The following JOSD2 variants were observed in gnomAD, a reference collection of about 807,000 sequenced individuals.
JOSD2 encodes the protein Josephin domain containing 2.
In JOSD2, 20 loss-of-function variants were observed where a neutral mutation model predicts 19.3. The observed-to-expected ratio is 1.04, with a 90% CI of 0.73 to 1.51. The LOEUF is 1.51. Ranked by LOEUF, JOSD2 falls within the 40% of genes most tolerant of loss-of-function variation. The pLI, the probability that JOSD2 is intolerant of heterozygous loss-of-function variation, is 0.00. For synonymous variants in JOSD2, 118 were observed against 123.7 expected (o/e 0.95, Z 0.31); for missense variants, 215 against 250.4 (o/e 0.86, Z 0.95).
rs1453508557 is a variant in JOSD2 at position 50,506,381 on chromosome 19, A to C, written c.464T>G (p.Val155Gly). The change falls in exon 4 of 5, where the codon GTC becomes GGC. Residue 155 changes from valine to glycine, a missense_variant. Val to Gly is a moderately radical substitution (Grantham distance 109). Coordinates refer to ENST00000598418, the MANE Select transcript of JOSD2 (RefSeq NM_001270639.2). ...GAATCGCCTCTGTGGGGCTCACCTG[A>C]CTCCGTCCTCATCCCCCAGGGCCTC... is the stretch of plus-strand genomic sequence containing the variant. ...APEALGDEDG[V>G]RAFLAAALAQ... 1 of 1,605,646 alleles carries C rather than the reference A, an allele frequency of 6.2e-7. No individual in the cohort carries two copies. The highest frequency in any genetic ancestry group is 8.5e-7 in the Non-Finnish European group (1 of 1,176,718).
At position 50,507,598 on chromosome 19, in the gene JOSD2, G is replaced by A; in HGVS notation, c.248C>T (p.Ala83Val). 1 of 1,607,964 alleles carries A rather than the reference G, an allele frequency of 6.2e-7. No homozygotes were observed. Among genetic ancestry groups the A allele is most frequent in the Non-Finnish European group, 8.5e-7 (1 of 1,179,774 alleles). The change falls in exon 3 of 5, where the codon GCC (alanine) becomes GTC (valine). Residue 83 changes from alanine to valine, a missense_variant. Transcript: ENST00000598418. ...IMAALQGLGL[A>V]AVWWDRRRPL... ...CCTCCTCCTGTCCCACCACACGGCGGCCAGGCCCAGCCCCTGCAGAGCGGC... is the reference window on the plus strand; with the variant it reads ...CCTCCTCCTGTCCCACCACACGGCGACCAGGCCCAGCCCCTGCAGAGCGGC...
intron 2 of JOSD2, among the ~76,000 whole-genome samples, chr19:50,508,925 A>G (rs967078855): frequency 6.6e-6 from 1 of 151,956 alleles, no homozygotes; most frequent in African/African-American, 2.4e-5. Context: ...GGCTTGGAGC[A>G]AGAGGCAGGG....
intron 2 of JOSD2, among the ~76,000 whole-genome samples, chr19:50,508,937 A>G (rs1407991568): frequency 1.3e-5 from 2 of 151,844 alleles, no homozygotes; most frequent in Non-Finnish European, 2.9e-5. Flanking sequence ...GAGGCAGGGG[A>G]GGCAGGGCCA....
rs780754282 is a variant in JOSD2 at position 50,506,199 on chromosome 19, TCTC to T, written c.538_540del (p.Glu180del). 3.7e-6 allele frequency: 6 copies of T among 1,612,664 alleles called. No individual in the cohort carries two copies. Among genetic ancestry groups the T allele is most frequent in the East Asian group, 2.2e-5 (1 of 44,856 alleles). On this transcript the variant is annotated inframe_deletion, in exon 5 of 5. Transcript: ENST00000598418. ...CAGTCTGTCCGCAGCCAGCTGCCCT[TCTC>T]CTCCACCTCCTTGGTCACTACCAGC...
intron 3 of JOSD2, among the ~76,000 whole-genome samples, chr19:50,507,204 C>T (rs1979423096): frequency 6.7e-6 from 1 of 148,862 alleles, no homozygotes; most frequent in Non-Finnish European, 1.5e-5. Flanking sequence ...ACCCCCCTGC[C>T]ATTGGTCTAC....
At chr19:50,506,657 G>T (rs1979368053) in intron 3 of JOSD2, 85 bp from the exon 4 acceptor site, 2 of 1,294,232 alleles carry the variant, frequency 1.5e-6, no homozygotes, top group Non-Finnish European at 2.1e-6. Context: ...GCCCAGGCTG[G>T]TGGTGGTGAG....
chr19:50,510,546 A>T, intron 1 of JOSD2, 98 bp from the exon 2 acceptor site: 1 of 1,197,262 alleles, frequency 8.4e-7, no homozygotes, highest in Non-Finnish European at 1.2e-6. Flanking sequence ...TTGAGCTGGG[A>T]CTCGGAGCAG....
intron 2 of JOSD2, chr19:50,507,952 C>G: frequency 3.6e-6 from 2 of 560,788 alleles, no homozygotes; most frequent in Non-Finnish European, 6.4e-6. Flanking sequence ...GTCCCCAAGT[C>G]CTGCCTCTCC....
intron 2 of JOSD2, chr19:50,507,900 C>T: frequency 1.5e-6 from 1 of 655,038 alleles, no homozygotes; most frequent in South Asian, 1.9e-5. Flanking sequence ...CCTGACTCTG[C>T]CCTGTCCCCA....
At position 50,506,071 on chromosome 19, in the gene JOSD2, C is replaced by T; in HGVS notation, c.*102G>A. ...GGGGTGTGGGGAGGGGGCGGGGCCT[C>T]CCCAGGGTCCATGAAGTGCTGGCCT... is the stretch of plus-strand genomic sequence containing the variant. On this transcript the variant is annotated 3_prime_UTR_variant, in exon 5 of 5. Coordinates refer to ENST00000598418, the MANE Select transcript of JOSD2 (RefSeq NM_001270639.2). The T allele has an allele frequency of 8.8e-7, 1 of 1,142,426 alleles. No individual in the cohort carries two copies. The highest frequency in any genetic ancestry group is 1.3e-6 in the Non-Finnish European group (1 of 794,862). 70.8% of individuals were successfully genotyped at this position (1,142,426 alleles called of 1,614,324 possible).
At chr19:50,510,058 A>AAAAAAAAG in intron 2 of JOSD2, 1 of 446,288 alleles carries the variant, frequency 2.2e-6, no homozygotes, top group Non-Finnish European at 4.0e-6. Flanking sequence ...TCTCAAAAAA[A>AAAAAAAAG]AAAAAAAAAG....
In JOSD2 at chr19:50,510,422, C is replaced by T. The variant is rs1402053940; in HGVS notation, c.10G>A (p.Ala4Thr). 3.7e-6 allele frequency: 6 copies of T among 1,608,540 alleles called. No individual in the cohort carries two copies. The highest frequency in any genetic ancestry group is 5.1e-6 in the Non-Finnish European group (6 of 1,177,170). MSQ[A>T]PGAQPSPPTV... Reference sequence around the variant, plus strand: ...GGTGGGCTCGGCTGTGCTCCCGGGGCCTGGGACATGCCGTCCTCGGCTCCT... The same window carrying T: ...GGTGGGCTCGGCTGTGCTCCCGGGGTCTGGGACATGCCGTCCTCGGCTCCT... The change falls in exon 2 of 5, where the codon GCC becomes ACC. Residue 4 changes from alanine to threonine, a missense_variant. Ala to Thr is a moderately conservative substitution (Grantham distance 58, BLOSUM62 0). Coordinates refer to ENST00000598418, the MANE Select transcript of JOSD2 (RefSeq NM_001270639.2).
At position 50,506,084 on chromosome 19, in the gene JOSD2, G is replaced by T; in HGVS notation, c.*89C>A. 1 of 1,288,354 alleles carries T rather than the reference G, an allele frequency of 7.8e-7. No homozygotes were observed. Among genetic ancestry groups the T allele is most frequent in the South Asian group, 1.3e-5 (1 of 74,814 alleles). 79.8% of individuals were successfully genotyped at this position (1,288,354 alleles called of 1,614,324 possible). On this transcript the variant is annotated 3_prime_UTR_variant, in exon 5 of 5. Coordinates refer to ENST00000598418, the MANE Select transcript of JOSD2 (RefSeq NM_001270639.2). ...GGGGCGGGGCCTCCCCAGGGTCCAT[G>T]AAGTGCTGGCCTTTCCCAGGCATGC...
Position 50,506,385 on chromosome 19 carries a change from C to T in JOSD2, c.460G>A (p.Gly154Arg), listed in dbSNP as rs774915828. ...CGCCTCTGTGGGGCTCACCTGACTC[C>T]GTCCTCATCCCCCAGGGCCTCGGGC... ...RAPEALGDED[G>R]VRAFLAAALA... Residue 154 changes from glycine to arginine, a missense_variant, in exon 4 of 5, where the codon GGA becomes AGA. Coordinates refer to ENST00000598418, the MANE Select transcript of JOSD2 (RefSeq NM_001270639.2). 22 of 1,605,766 alleles carry T rather than the reference C, an allele frequency of 1.4e-5. No individual in the cohort carries two copies. Among genetic ancestry groups the T allele is most frequent in the East Asian group, 6.7e-5 (3 of 44,656 alleles).
chr19:50,511,137 A>G lies in JOSD2; in HGVS notation c.-38T>C. On this transcript the variant is annotated 5_prime_UTR_variant, in exon 1 of 5. Coordinates refer to ENST00000598418, the MANE Select transcript of JOSD2 (RefSeq NM_001270639.2). ...CTCACCCCGCCTGCCTCTCCGCTCCACCGAGCCAGGGGTTTCCGCATCCCC... is the reference window on the plus strand; with the variant it reads ...CTCACCCCGCCTGCCTCTCCGCTCCGCCGAGCCAGGGGTTTCCGCATCCCC... 1 of 451,900 alleles carries G rather than the reference A, an allele frequency of 2.2e-6. No homozygotes were observed. The highest frequency in any genetic ancestry group is 4.4e-6 in the Non-Finnish European group (1 of 224,884). 28.0% of individuals were successfully genotyped at this position (451,900 alleles called of 1,614,324 possible). A position where few individuals can be genotyped will look rare whatever the true frequency, so the allele number is the denominator to read the frequency against.
At chr19:50,510,958 AC>A (rs1979798247) in intron 1 of JOSD2, 158 bp downstream of exon 1, 1 of 387,750 alleles carries the variant, frequency 2.6e-6, no homozygotes, top group Non-Finnish European at 5.3e-6. Flanking sequence ...TGCTCTTGTC[AC>A]CTGGCAACGG....
At chr19:50,507,928 C>T in intron 2 of JOSD2, 2 of 594,118 alleles carry the variant, frequency 3.4e-6, no homozygotes, top group South Asian at 2.0e-5. Context: ...CCTCTCCTGC[C>T]CCGACTCTGC....
intron 1 of JOSD2, 73 bp from the exon 2 acceptor site, chr19:50,510,521 G>C: frequency 7.1e-7 from 1 of 1,405,432 alleles, no homozygotes. Flanking sequence ...CAGGCCTTTG[G>C]GGCATCGCCA....
chr19:50,507,841 G>C, intron 2 of JOSD2, 142 bp from the exon 3 acceptor site: 1 of 1,013,002 alleles, frequency 9.9e-7, no homozygotes, highest in African/African-American at 1.6e-5. Context: ...CCCAAGTCCT[G>C]CCTCTCCTGC....
Sources: allele counts gnomAD v4.1 joint callset (sites outside exome capture counted in the v4.1 genomes callset), GRCh38; gene constraint gnomAD v4.1.1; transcripts MANE v1.5; gene names NCBI Gene and HGNC (gene_info 2026-07-23, HGNC 2026-07-21).